The following ASMTL variants were observed in gnomAD, a reference collection of about 807,000 sequenced individuals.
The protein encoded by ASMTL is probable bifunctional dTTP/UTP pyrophosphatase/methyltransferase protein.
ASMTL carries 57 observed loss-of-function variants against 60.3 expected under a neutral mutation model. The observed-to-expected ratio is 0.95, with a 90% CI of 0.76 to 1.18. The LOEUF is 1.18. ASMTL is among the 50% of genes most tolerant of loss of function. ASMTL has a pLI of 0.00. For missense variants in ASMTL, 981 were observed against 852.6 expected, an observed-to-expected ratio of 1.15 and a Z score of -1.88; for synonymous variants, 419 against 373.0, an observed-to-expected ratio of 1.12 and a Z score of -1.42.
At chrX:1,433,077 G>A (rs113591937) in intron 5 of ASMTL, among the ~76,000 whole-genome samples, 49 of 150,400 alleles carry the variant, frequency 3.3e-4, no homozygotes, top group Non-Finnish European at 1.9e-4. Context: ...CAGCCTGGGC[G>A]ACAGAGCGAG....
chrX:1,453,380 T>C (rs1399174456), upstream of ASMTL, among the ~76,000 whole-genome samples: 5 of 124,406 alleles, frequency 4.0e-5, no homozygotes, highest in Non-Finnish European at 6.9e-5. Context: ...GGCCGCTTGG[T>C]GAAGCACCGC....
At chrX:1,447,557 C>T (rs1406029610) in intron 1 of ASMTL, among the ~76,000 whole-genome samples, 1 of 151,164 alleles carries the variant, frequency 6.6e-6, no homozygotes, top group Admixed American at 6.6e-5. Flanking sequence ...TGGACACACA[C>T]GGCCATCTTG....
intron 2 of ASMTL, among the ~76,000 whole-genome samples, chrX:1,440,856 A>G (rs1423046475): frequency 7.9e-5 from 12 of 152,214 alleles, no homozygotes; most frequent in Non-Finnish European, 1.5e-4. Context: ...TAATTGTCAT[A>G]GTATATTACA....
chrX:1,452,919 C>A (rs2091432793), upstream of ASMTL: 18 of 1,181,996 alleles, frequency 1.5e-5, no homozygotes, highest in African/African-American at 3.2e-5. Context: ...GCAAAAAAAA[C>A]AGGCGGCCAG....
At chrX:1,403,542 C>A in intron 12 of ASMTL, 53 bp from the exon 13 acceptor site, 2 of 1,520,938 alleles carry the variant, frequency 1.3e-6, no homozygotes, top group East Asian at 4.5e-5. Context: ...GGGGATCCTT[C>A]AGCAGGACAC....
At position 1,428,034 on chromosome X, in the gene ASMTL, G is replaced by T. The variant is rs186785499; in HGVS notation, c.597C>A (p.Phe199Leu). The T allele has an allele frequency of 3.8e-4, 615 of 1,613,706 alleles. 1 individual carries two copies. In the African/African-American group the frequency reaches 7.6e-3, roughly 20 times the overall value. Reference sequence around the variant, plus strand: ...GCTGCTTGCAGAAGTGGTTCAGCGGGAATCCCACCACGTTCAGAAAGTCCC... The same window carrying T: ...GCTGCTTGCAGAAGTGGTTCAGCGGTAATCCCACCACGTTCAGAAAGTCCC... ...VHGDFLNVVG[F>L]PLNHFCKQLV... Residue 199 changes from phenylalanine to leucine, a missense_variant, in exon 7 of 13, where the codon TTC becomes TTA. By Grantham distance (22) the Phe-to-Leu change is conservative. Coordinates refer to ENST00000381317, the MANE Select transcript of ASMTL (RefSeq NM_004192.4).
At chrX:1,419,725 C>T (rs1197861973) in intron 9 of ASMTL, among the ~76,000 whole-genome samples, 5 of 152,294 alleles carry the variant, frequency 3.3e-5, no homozygotes, top group Middle Eastern at 3.4e-3. Flanking sequence ...TTCTGAGCCC[C>T]GCTCCCAGCA....
At chrX:1,417,151 CAT>C (rs1233972444) in intron 11 of ASMTL, among the ~76,000 whole-genome samples, 5 of 151,140 alleles carry the variant, frequency 3.3e-5, no homozygotes, top group African/African-American at 9.7e-5. Context: ...ACAGCAGTCA[CAT>C]ATGCACACAA....
intron 12 of ASMTL, among the ~76,000 whole-genome samples, chrX:1,403,785 G>A (rs1418630565): frequency 6.6e-6 from 1 of 152,172 alleles, no homozygotes; most frequent in Non-Finnish European, 1.5e-5. Flanking sequence ...TGATGGGTGG[G>A]TAGGTAGGTA....
chrX:1,451,967 G>A (rs184566135), intron 1 of ASMTL, among the ~76,000 whole-genome samples: 4 of 148,566 alleles, frequency 2.7e-5, no homozygotes, highest in African/African-American at 1.0e-4. Context: ...GGGCGTCCTG[G>A]GTTACTCTCC....
At chrX:1,441,273 T>A (rs1237409321) in intron 2 of ASMTL, among the ~76,000 whole-genome samples, 1 of 152,086 alleles carries the variant, frequency 6.6e-6, no homozygotes, top group African/African-American at 2.4e-5. Flanking sequence ...AGATAATTTT[T>A]GTTTTAATTT....
At chrX:1,429,901 T>A (rs2090722272) in intron 6 of ASMTL, among the ~76,000 whole-genome samples, 1 of 152,134 alleles carries the variant, frequency 6.6e-6, no homozygotes. Context: ...ACCTATTCTG[T>A]GTGTGTGGGG....
At chrX:1,421,013 G>A (rs1242562206) in intron 9 of ASMTL, among the ~76,000 whole-genome samples, 1 of 150,746 alleles carries the variant, frequency 6.6e-6, no homozygotes, top group African/African-American at 2.5e-5. Flanking sequence ...AGGCTGGAGG[G>A]CAGTGGCGTG....
intron 12 of ASMTL, among the ~76,000 whole-genome samples, chrX:1,405,012 AGATG>A (rs1292539920): frequency 4.1e-5 from 6 of 148,046 alleles, no homozygotes; most frequent in Non-Finnish European, 8.9e-5. Context: ...GTGGATGGAT[AGATG>A]GATGAATGGA....
chrX:1,425,475 G>A, intron 8 of ASMTL, 50 bp downstream of exon 8: 1 of 1,589,102 alleles, frequency 6.3e-7, no homozygotes, highest in Non-Finnish European at 8.6e-7. Flanking sequence ...TTCCCTCAGT[G>A]ACTTCCACCT....
intron 1 of ASMTL, among the ~76,000 whole-genome samples, chrX:1,450,125 C>G (rs1428631525): frequency 6.6e-6 from 1 of 151,822 alleles, no homozygotes; most frequent in African/African-American, 2.4e-5. Context: ...CACCCCATTA[C>G]CAGTAACTAT....
At chrX:1,434,840 G>A (rs1337281538) in intron 5 of ASMTL, among the ~76,000 whole-genome samples, 182 bp downstream of exon 5, 1 of 151,394 alleles carries the variant, frequency 6.6e-6, no homozygotes. Flanking sequence ...AAAACCACAC[G>A]TTTTCCTTTG....
At chrX:1,432,454 C>G in intron 5 of ASMTL, 77 bp from the exon 6 acceptor site, 1 of 1,084,214 alleles carries the variant, frequency 9.2e-7, no homozygotes, top group Non-Finnish European at 1.4e-6. Flanking sequence ...CGTGGCTGTG[C>G]TGTGGAGGTG....
chrX:1,428,597 A>G (rs2090679266), intron 6 of ASMTL, among the ~76,000 whole-genome samples: 1 of 149,688 alleles, frequency 6.7e-6, no homozygotes, highest in South Asian at 2.1e-4. Context: ...CAGTGAGCCG[A>G]GATCGTGCCA....
Sources: gnomAD v4.1 joint callset for allele counts (sites outside exome capture counted in the v4.1 genomes callset) on GRCh38, gnomAD v4.1.1 for gene constraint, MANE v1.5 for transcripts, NCBI Gene and HGNC (gene_info 2026-07-23, HGNC 2026-07-21) for gene names.